SNTG2: variants seen among roughly 807,000 people sequenced by gnomAD.
SNTG2 encodes the protein syntrophin gamma 2.
In SNTG2, 74 loss-of-function variants were observed where a neutral mutation model predicts 70.9. The ratio of observed to expected loss-of-function variants is 1.04; its 90% CI spans 0.86 to 1.27. The LOEUF (loss-of-function observed/expected upper bound fraction) is 1.27, where lower values mean the gene tolerates loss of function less well. SNTG2 is among the 50% of genes most tolerant of loss of function. The pLI, the probability that SNTG2 is intolerant of heterozygous loss-of-function variation, is 0.00. For missense variants in SNTG2, 717 were observed against 690.7 expected, an observed-to-expected ratio of 1.04 and a Z score of -0.43; for synonymous variants, 278 against 273.8, an observed-to-expected ratio of 1.02 and a Z score of -0.15.
intron 2 of SNTG2, among the ~76,000 whole-genome samples, chr2:1,091,047 T>G (rs780666394): frequency 6.6e-6 from 1 of 152,158 alleles, no homozygotes; most frequent in African/African-American, 2.4e-5. Flanking sequence ...GTTCTGGGGC[T>G]GGGGCCCATC....
intron 4 of SNTG2, among the ~76,000 whole-genome samples, chr2:1,117,622 G>A (rs567521254): frequency 2.6e-5 from 4 of 152,292 alleles, no homozygotes; most frequent in African/African-American, 9.6e-5. Context: ...AGGCGGAGCT[G>A]TGCCACCCCA....
rs536222531 is a variant in SNTG2 at position 1,267,330 on chromosome 2, C to T, written c.1078-35C>T. 3.7e-5 allele frequency: 58 copies of T among 1,546,886 alleles called. No homozygotes were observed. In the African/African-American group the frequency reaches 6.2e-4, roughly 17 times the overall value. On this transcript the variant is annotated intron_variant, in intron 13 of 16. Coordinates refer to ENST00000308624, the MANE Select transcript of SNTG2 (RefSeq NM_018968.4). ...CCTCAGCATGGGAATGACCTTCCAG[C>T]GCTGCACGTTTCCAATCCATGCTCT...
At chr2:1,199,172 G>T (rs911167349) in intron 8 of SNTG2, among the ~76,000 whole-genome samples, 4 of 149,884 alleles carry the variant, frequency 2.7e-5, no homozygotes, top group Non-Finnish European at 5.9e-5. Flanking sequence ...ACATTAAAAA[G>T]GTAACACACC....
intron 15 of SNTG2, among the ~76,000 whole-genome samples, 155 bp from the exon 16 acceptor site, chr2:1,316,110 A>C (rs1275874493): frequency 2.0e-5 from 3 of 152,168 alleles, no homozygotes; most frequent in Non-Finnish European, 4.4e-5. Context: ...AAGAATGAGA[A>C]AGTAGAGACA....
At chr2:1,052,687 T>C (rs76070525) in intron 1 of SNTG2, among the ~76,000 whole-genome samples, 4,870 of 152,292 alleles carry the variant, frequency 0.032, 184 homozygotes, top group East Asian at 0.15. Context: ...GGCCATGTCG[T>C]CCTTTATAGA....
intron 14 of SNTG2, among the ~76,000 whole-genome samples, chr2:1,273,024 C>T (rs373095691): frequency 6.6e-6 from 1 of 152,298 alleles, no homozygotes; most frequent in Middle Eastern, 3.4e-3. Context: ...TCACCATCAC[C>T]GCGCAGTGGG....
chr2:1,216,219 G>A (rs1328936439), intron 9 of SNTG2, among the ~76,000 whole-genome samples: 2 of 152,142 alleles, frequency 1.3e-5, no homozygotes, highest in African/African-American at 2.4e-5. Flanking sequence ...AGCACCTGTT[G>A]TTTCCTGACT....
intron 1 of SNTG2, among the ~76,000 whole-genome samples, chr2:1,032,765 C>CCAA (rs1369280731): frequency 6.7e-6 from 1 of 148,680 alleles, no homozygotes; most frequent in Non-Finnish European, 1.5e-5. Flanking sequence ...TTGGTGTATT[C>CCAA]CAATGTACCT....
At chr2:1,321,789 C>T (rs941711754) in intron 16 of SNTG2, among the ~76,000 whole-genome samples, 2 of 151,700 alleles carry the variant, frequency 1.3e-5, no homozygotes, top group African/African-American at 2.4e-5. Context: ...CACAACGCCC[C>T]CTTCCCTAAT....
chr2:1,252,990 A>G (rs1233039774), intron 12 of SNTG2, among the ~76,000 whole-genome samples: 1 of 152,202 alleles, frequency 6.6e-6, no homozygotes, highest in Non-Finnish European at 1.5e-5. Flanking sequence ...TACTTTGCCC[A>G]GATCTAAAAC....
intron 4 of SNTG2, among the ~76,000 whole-genome samples, chr2:1,133,959 C>T (rs1668191018): frequency 6.6e-6 from 1 of 152,130 alleles, no homozygotes; most frequent in East Asian, 1.9e-4. Flanking sequence ...GAGTTTGTTC[C>T]TTCTGATGTT....
intron 15 of SNTG2, among the ~76,000 whole-genome samples, chr2:1,310,686 C>A (rs1680940787): frequency 1.3e-5 from 2 of 152,116 alleles, no homozygotes; most frequent in African/African-American, 4.8e-5. Flanking sequence ...GCATCACCAT[C>A]CTTCTCCGGA....
At chr2:1,363,199 C>T (rs1007357002) in intron 16 of SNTG2, among the ~76,000 whole-genome samples, 2 of 150,722 alleles carry the variant, frequency 1.3e-5, no homozygotes, top group Admixed American at 1.3e-4. Flanking sequence ...ACCCTGGCAA[C>T]ACCACAAGCT....
chr2:1,309,768 G>A (rs185745309), intron 15 of SNTG2, among the ~76,000 whole-genome samples: 2 of 152,344 alleles, frequency 1.3e-5, no homozygotes, highest in African/African-American at 2.4e-5. Context: ...ATTTGCATAA[G>A]CATTGAATAA....
At chr2:1,259,519 T>C (rs1678305729) in intron 13 of SNTG2, 78 bp downstream of exon 13, 1 of 1,193,402 alleles carries the variant, frequency 8.4e-7, no homozygotes, top group Non-Finnish European at 1.2e-6. Flanking sequence ...GGATTGTTTG[T>C]TCTGCGTGGT....
intron 8 of SNTG2, among the ~76,000 whole-genome samples, chr2:1,192,984 A>G (rs4477954): frequency 0.092 from 13,985 of 152,246 alleles, 1,007 homozygotes; most frequent in East Asian, 0.21. Context: ...GTGTTCAGCT[A>G]GTCCATGTGA....
chr2:1,227,000 A>G (rs1675832365), intron 9 of SNTG2, among the ~76,000 whole-genome samples: 1 of 152,240 alleles, frequency 6.6e-6, no homozygotes. Context: ...GCTTCCCTGG[A>G]CAGAAAGCAG....
At chr2:1,187,441 G>T (rs1672316590) in intron 8 of SNTG2, among the ~76,000 whole-genome samples, 1 of 152,186 alleles carries the variant, frequency 6.6e-6, no homozygotes, top group Non-Finnish European at 1.5e-5. Context: ...GCCAGCTGCT[G>T]CTCTTTGGGC....
chr2:1,300,415 C>A (rs1252987215), intron 14 of SNTG2, among the ~76,000 whole-genome samples: 4 of 152,168 alleles, frequency 2.6e-5, no homozygotes, highest in Non-Finnish European at 5.9e-5. Context: ...GCTCACTGAC[C>A]CCAGGATAAA....
Sources: allele counts gnomAD v4.1 joint callset (sites outside exome capture counted in the v4.1 genomes callset), GRCh38; gene constraint gnomAD v4.1.1; transcripts MANE v1.5; gene names NCBI Gene and HGNC (gene_info 2026-07-23, HGNC 2026-07-21).